Variants in NKAIN3 observed in about 807,000 individuals in gnomAD.
NKAIN3 encodes the protein sodium/potassium transporting ATPase interacting 3.
NKAIN3 carries 25 observed loss-of-function variants against 30.2 expected under a neutral mutation model. That is an observed-to-expected ratio of 0.83 (90% CI 0.60 to 1.16). NKAIN3 has a LOEUF of 1.16. NKAIN3 is among the 50% of genes most tolerant of loss of function. NKAIN3 has a pLI of 0.00. For missense variants in NKAIN3, 225 were observed against 254.1 expected (o/e 0.89, Z 0.78); for synonymous variants, 91 against 89.6 (o/e 1.02, Z -0.09).
At chr8:62,800,774 A>G (rs548472962) in intron 4 of NKAIN3, among the ~76,000 whole-genome samples, 2 of 152,084 alleles carry the variant, frequency 1.3e-5, no homozygotes, top group Non-Finnish European at 2.9e-5. Flanking sequence ...GCAGGTCAGT[A>G]GGTGCAGTGC....
At chr8:62,943,000 A>G (rs1000212270) in intron 5 of NKAIN3, among the ~76,000 whole-genome samples, 2 of 152,190 alleles carry the variant, frequency 1.3e-5, no homozygotes, top group African/African-American at 4.8e-5. Flanking sequence ...CCAAGAACCT[A>G]AAAGCAAGTG....
At chr8:62,987,920 G>T (rs151109067), downstream of NKAIN3, among the ~76,000 whole-genome samples, 1 of 152,244 alleles carries the variant, frequency 6.6e-6, no homozygotes, top group East Asian at 1.9e-4. Context: ...AAAATCAAAA[G>T]CAAGTTAGTT....
At chr8:62,803,043 C>A (rs1818127929) in intron 4 of NKAIN3, among the ~76,000 whole-genome samples, 1 of 152,078 alleles carries the variant, frequency 6.6e-6, no homozygotes, top group Non-Finnish European at 1.5e-5. Context: ...GTAAAGGGAT[C>A]AATTCAACAA....
chr8:62,300,941 G>A (rs1814028153), intron 1 of NKAIN3, among the ~76,000 whole-genome samples: 1 of 151,994 alleles, frequency 6.6e-6, no homozygotes, highest in Admixed American at 6.6e-5. Flanking sequence ...ACACAGTGCA[G>A]TATAAGAAAA....
At chr8:62,577,601 C>T (rs1810157524) in intron 1 of NKAIN3, among the ~76,000 whole-genome samples, 1 of 140,434 alleles carries the variant, frequency 7.1e-6, no homozygotes, top group South Asian at 2.3e-4. Context: ...ATTTGTATCA[C>T]TGATGGCCCT....
intron 3 of NKAIN3, among the ~76,000 whole-genome samples, chr8:62,608,073 T>C (rs1285028239): frequency 6.6e-6 from 1 of 152,208 alleles, no homozygotes; most frequent in African/African-American, 2.4e-5. Context: ...ATGTGTGTCA[T>C]TGTTAGCAAT....
chr8:62,651,705 G>T (rs143288013), intron 3 of NKAIN3, among the ~76,000 whole-genome samples: 2 of 152,074 alleles, frequency 1.3e-5, no homozygotes, highest in African/African-American at 4.8e-5. Context: ...GTTGGAGGTG[G>T]GGGTCTGGTG....
intron 1 of NKAIN3, among the ~76,000 whole-genome samples, chr8:62,537,744 G>C (rs747890518): frequency 3.3e-5 from 5 of 152,038 alleles, no homozygotes; most frequent in Non-Finnish European, 7.4e-5. Flanking sequence ...AAGAATCTCA[G>C]AAAATAAATC....
intron 4 of NKAIN3, among the ~76,000 whole-genome samples, chr8:62,889,139 C>T (rs111229932): frequency 0.045 from 6,803 of 152,114 alleles, 457 homozygotes; most frequent in African/African-American, 0.14. Context: ...GAGTCTGAGG[C>T]GGGTGGATTA....
chr8:62,757,704 A>G (rs1179491330), intron 4 of NKAIN3, among the ~76,000 whole-genome samples: 1 of 152,210 alleles, frequency 6.6e-6, no homozygotes, highest in Non-Finnish European at 1.5e-5. Flanking sequence ...TACAGAAGGA[A>G]CAGCATTAGC....
chr8:62,295,737 T>G (rs1245805762), intron 1 of NKAIN3, among the ~76,000 whole-genome samples: 1 of 152,156 alleles, frequency 6.6e-6, no homozygotes, highest in East Asian at 1.9e-4. Flanking sequence ...AAACATAAAA[T>G]AAAATTTCTC....
At chr8:62,295,291 A>C (rs747664954) in intron 1 of NKAIN3, among the ~76,000 whole-genome samples, 7 of 152,140 alleles carry the variant, frequency 4.6e-5, no homozygotes, top group Non-Finnish European at 8.8e-5. Context: ...TATAAGTGTT[A>C]GATTAGTTTC....
intron 1 of NKAIN3, among the ~76,000 whole-genome samples, chr8:62,475,332 A>G (rs952757523): frequency 1.3e-5 from 2 of 152,188 alleles, no homozygotes; most frequent in African/African-American, 4.8e-5. Context: ...TGACTTTAAT[A>G]TTATGAATGA....
chr8:62,646,872 C>A (rs1426399916), intron 3 of NKAIN3, among the ~76,000 whole-genome samples: 2 of 152,064 alleles, frequency 1.3e-5, no homozygotes, highest in Non-Finnish European at 1.5e-5. Flanking sequence ...GATAGACAAT[C>A]ATGGAAAGAA....
At chr8:62,736,625 A>G (rs1011372548) in intron 3 of NKAIN3, among the ~76,000 whole-genome samples, 1 of 152,148 alleles carries the variant, frequency 6.6e-6, no homozygotes, top group African/African-American at 2.4e-5. Context: ...TCACTGAGAA[A>G]GCAAGCAGGG....
At chr8:62,766,617 T>G (rs538393238) in intron 4 of NKAIN3, among the ~76,000 whole-genome samples, 41 of 151,762 alleles carry the variant, frequency 2.7e-4, no homozygotes, top group Admixed American at 3.3e-4. Context: ...GACACACAAG[T>G]GAGAAAGGAA....
intron 1 of NKAIN3, chr8:62,483,729 A>G: frequency 6.4e-6 from 2 of 311,960 alleles, no homozygotes; most frequent in Admixed American, 3.2e-5. Flanking sequence ...TAGCTTCTTC[A>G]ACCTGGATGT....
Position 62,747,112 on chromosome 8 carries a change from G to C in NKAIN3, c.454G>C (p.Val152Leu). 6.2e-7 allele frequency: 1 copy of C among 1,605,006 alleles called. No homozygotes were observed. Among genetic ancestry groups the C allele is most frequent in the South Asian group, 1.1e-5 (1 of 90,792 alleles). The change falls in exon 4 of 7, where the codon GTC becomes CTC. Residue 152 changes from valine (V) to leucine (L), a missense_variant. Val to Leu is a conservative substitution (Grantham distance 32, BLOSUM62 1). Transcript: ENST00000623646. ...FQYLEVIHSAVQILLSLVGFV... is the reference protein window; with the variant it reads ...FQYLEVIHSALQILLSLVGFV... ...GTACCTGGAGGTCATCCACAGTGCTGTCCAAATACTACTCTCTGTAAGTGT... is the reference window on the plus strand; with the variant it reads ...GTACCTGGAGGTCATCCACAGTGCTCTCCAAATACTACTCTCTGTAAGTGT...
intron 1 of NKAIN3, among the ~76,000 whole-genome samples, chr8:62,365,373 C>T (rs900110478): frequency 6.8e-6 from 1 of 147,606 alleles, no homozygotes; most frequent in Non-Finnish European, 1.5e-5. Flanking sequence ...GTATTGTTTG[C>T]ATATTTAAGC....
Sources: gnomAD v4.1 joint callset for allele counts (sites outside exome capture counted in the v4.1 genomes callset) on GRCh38, gnomAD v4.1.1 for gene constraint, MANE v1.5 for transcripts, NCBI Gene and HGNC (gene_info 2026-07-23, HGNC 2026-07-21) for gene names.